RASGRF2: variants seen among roughly 807,000 people sequenced by gnomAD.
RASGRF2 encodes ras-specific guanine nucleotide-releasing factor 2.
Under a neutral mutation model 151.0 loss-of-function variants are expected in RASGRF2, and 76 were observed. The ratio of observed to expected loss-of-function variants is 0.50; its 90% confidence interval spans 0.42 to 0.61. RASGRF2 has a LOEUF of 0.61. Among genes scored for constraint, RASGRF2 ranks in the 20% least tolerant of loss-of-function variants. RASGRF2 has a pLI of 0.00. For missense variants in RASGRF2, 1,148 were observed against 1,564.6 expected (o/e 0.73, Z 4.49); for synonymous variants, 504 against 566.5 (o/e 0.89, Z 1.57).
intron 17 of RASGRF2, among the ~76,000 whole-genome samples, chr5:81,128,619 G>C (rs1291338948): frequency 6.6e-6 from 1 of 152,090 alleles, no homozygotes; most frequent in African/African-American, 2.4e-5. Flanking sequence ...TGGGAGGGAG[G>C]GCTTGTGGAG....
At chr5:81,095,196 C>T (rs757207347) in intron 12 of RASGRF2, among the ~76,000 whole-genome samples, 7 of 152,046 alleles carry the variant, frequency 4.6e-5, no homozygotes, top group Non-Finnish European at 8.8e-5. Context: ...TAAAATTTGC[C>T]TGAAATGTAG....
intron 13 of RASGRF2, among the ~76,000 whole-genome samples, chr5:81,111,146 A>T (rs1343434857): frequency 6.6e-6 from 1 of 152,258 alleles, no homozygotes; most frequent in Non-Finnish European, 1.5e-5. Context: ...AGGCATTCAC[A>T]ACTGATTCTC....
In RASGRF2 at chr5:80,960,891, C is replaced by A. The variant is rs1017102318; in HGVS notation, c.153C>A (p.Leu51=). The part of the protein sequence containing the change: ...EKWFALYQNV[L]FYFEGEQSCR... ...GGTTCGCCCTCTACCAGAATGTGCT[C>A]TTCTACTTCGAGGGCGAGCAGAGCT... Residue 51 remains leucine (L), a synonymous_variant, in exon 1 of 27, where the codon CTC becomes CTA. Transcript: ENST00000265080. This position sits in a 1 kb window ranked among gnomAD's most constrained non-coding sequence, Gnocchi z 5.5. 6.2e-7 allele frequency: 1 copy of A among 1,610,402 alleles called. No homozygotes were observed. The highest frequency in any genetic ancestry group is 1.7e-5 in the Admixed American group (1 of 59,908).
At chr5:81,082,320 C>T (rs980744704) in intron 7 of RASGRF2, among the ~76,000 whole-genome samples, 1 of 152,124 alleles carries the variant, frequency 6.6e-6, no homozygotes, top group African/African-American at 2.4e-5. Context: ...CTTTGGATTT[C>T]TTTAAAATGC....
At chr5:81,024,644 T>C (rs184588586) in intron 1 of RASGRF2, among the ~76,000 whole-genome samples, 135 of 152,214 alleles carry the variant, frequency 8.9e-4, no homozygotes, top group African/African-American at 3.1e-3. Flanking sequence ...AGGACTGTGG[T>C]AGGGGGAGGT....
chr5:81,219,916 A>T, intron 26 of RASGRF2, 138 bp downstream of exon 26: 1 of 495,096 alleles, frequency 2.0e-6, no homozygotes, highest in Non-Finnish European at 3.5e-6. Flanking sequence ...ATCTTTGGCT[A>T]GTCTGATTAA....
intron 17 of RASGRF2, among the ~76,000 whole-genome samples, chr5:81,135,768 T>C (rs1171044097): frequency 6.6e-6 from 1 of 152,244 alleles, no homozygotes; most frequent in Non-Finnish European, 1.5e-5. Context: ...TGTGTGTTTG[T>C]TTGTTTGCAT....
At chr5:81,222,784 GA>G (rs1249203166) in intron 26 of RASGRF2, among the ~76,000 whole-genome samples, 1 of 151,848 alleles carries the variant, frequency 6.6e-6, no homozygotes, top group Non-Finnish European at 1.5e-5. Flanking sequence ...ATTTGAACAG[GA>G]AAAAATTCAC....
rs753323466 is a variant in RASGRF2 at position 81,073,190 on chromosome 5, G to A, written c.634-9G>A. 7.5e-6 allele frequency: 12 copies of A among 1,602,164 alleles called. No homozygotes were observed. Among genetic ancestry groups the A allele is most frequent in the Admixed American group, 1.7e-5 (1 of 58,546 alleles). On this transcript the variant is annotated splice_polypyrimidine_tract_variant and intron_variant, in intron 4 of 26. Coordinates refer to ENST00000265080, the MANE Select transcript of RASGRF2 (RefSeq NM_006909.3). ...TAGTCAGATTCCTTTCTGATTTTTT[G>A]TTCTGTAGGTTCAGAGCTTCATGCG...
chr5:81,135,935 G>A (rs1343268876), intron 17 of RASGRF2, among the ~76,000 whole-genome samples: 1 of 152,150 alleles, frequency 6.6e-6, no homozygotes, highest in East Asian at 1.9e-4. Flanking sequence ...ATACAACAGA[G>A]TAGTCCCAAT....
intron 1 of RASGRF2, among the ~76,000 whole-genome samples, chr5:80,990,232 T>A (rs75030793): frequency 2.4e-4 from 36 of 150,784 alleles, no homozygotes; most frequent in South Asian, 4.2e-4. Context: ...TTTTTTTTTT[T>A]ATTTTCTTTT....
intron 13 of RASGRF2, 51 bp from the exon 14 acceptor site, chr5:81,112,559 G>T: frequency 6.2e-7 from 1 of 1,608,448 alleles, no homozygotes; most frequent in South Asian, 1.1e-5. Context: ...CAGTGGCCGA[G>T]GGGGAAGCCT....
In RASGRF2 at chr5:80,991,721, A is replaced by G. The variant is rs913036435; in HGVS notation, c.288+30695A>G. 3.3e-4 allele frequency among the ~76,000 whole-genome samples: 51 copies of G among 152,242 alleles called. 1 individual carries two copies. Among genetic ancestry groups the G allele is most frequent in the Non-Finnish European group, 1.9e-4 (13 of 68,050 alleles). Reference sequence around the variant, plus strand: ...GCATTTCCAAGATAATATATACAAAAAAGTAGTTGCTCTTATTTTTAAAAT... The same window carrying G: ...GCATTTCCAAGATAATATATACAAAGAAGTAGTTGCTCTTATTTTTAAAAT... On this transcript the variant is annotated intron_variant, in intron 1 of 26. Transcript: ENST00000265080.
chr5:81,212,276 C>G, intron 22 of RASGRF2, 90 bp from the exon 23 acceptor site: 1 of 891,584 alleles, frequency 1.1e-6, no homozygotes, highest in Non-Finnish European at 1.7e-6. Flanking sequence ...CCCTGCCTTC[C>G]TGACAGGTCT....
chr5:81,213,332 C>T (rs370665612), intron 23 of RASGRF2, among the ~76,000 whole-genome samples: 15 of 147,438 alleles, frequency 1.0e-4, no homozygotes, highest in African/African-American at 3.0e-4. Flanking sequence ...TGGCTGACCT[C>T]GTCTCAGGGG....
chr5:81,074,270 AATAG>A (rs1335547339), intron 5 of RASGRF2, among the ~76,000 whole-genome samples: 3 of 152,236 alleles, frequency 2.0e-5, no homozygotes, highest in African/African-American at 4.8e-5. Context: ...GCATTAGTGA[AATAG>A]ATAGTATATT....
rs1161728077 is a variant in RASGRF2, at chr5:81,225,759, C to T, written c.3703C>T (p.Leu1235Phe). ...YELSLKIEPR[L>F]PA is the part of the protein sequence containing the mutation. ...GCTGTCACTAAAAATTGAACCTCGA[C>T]TCCCTGCTTGAAGATCTGGCCTTGC... Residue 1235 changes from leucine to phenylalanine, a missense_variant, in exon 27 of 27, where the codon CTC (leucine) becomes TTC (phenylalanine). Around this residue, in one of 5 missense-constraint regions of RASGRF2, gnomAD observed 100 missense variants for 148.2 expected, o/e 0.67. Coordinates refer to ENST00000265080, the MANE Select transcript of RASGRF2 (RefSeq NM_006909.3). 3 of 1,611,930 alleles carry T rather than the reference C, an allele frequency of 1.9e-6. No homozygotes were observed. Among genetic ancestry groups the T allele is most frequent in the Non-Finnish European group, 2.5e-6 (3 of 1,179,568 alleles).
At chr5:81,194,639 T>A (rs1221490310) in intron 18 of RASGRF2, among the ~76,000 whole-genome samples, 1 of 152,108 alleles carries the variant, frequency 6.6e-6, no homozygotes, top group East Asian at 1.9e-4. Flanking sequence ...CCCTTGACAG[T>A]TTTTGTCTTG....
rs367826821 is a variant in RASGRF2 at position 80,960,888 on chromosome 5, G to A, written c.150G>A (p.Val50=). Residue 50 remains valine (V), a synonymous_variant, in exon 1 of 27, where the codon GTG becomes GTA. Transcript: ENST00000265080. This position sits in a 1 kb window ranked among gnomAD's most constrained non-coding sequence, Gnocchi z 5.5. The part of the protein sequence containing the change: ...HEKWFALYQN[V]LFYFEGEQSC... Reference sequence around the variant, plus strand: ...AGTGGTTCGCCCTCTACCAGAATGTGCTCTTCTACTTCGAGGGCGAGCAGA... The same window carrying A: ...AGTGGTTCGCCCTCTACCAGAATGTACTCTTCTACTTCGAGGGCGAGCAGA... 3.1e-6 allele frequency: 5 copies of A among 1,612,306 alleles called. No homozygotes were observed. The African/African-American group carries it at 6.7e-5, about 22-fold the overall frequency.
Sources: allele counts gnomAD v4.1 joint callset (sites outside exome capture counted in the v4.1 genomes callset), GRCh38; gene constraint gnomAD v4.1.1; regional missense constraint gnomAD v4.1.1; non-coding constraint Gnocchi (gnomAD v3.1); transcripts MANE v1.5; gene names NCBI Gene and HGNC (gene_info 2026-07-23, HGNC 2026-07-21).